SLC14A1: variants seen among roughly 807,000 people sequenced by gnomAD.
The protein encoded by SLC14A1 is solute carrier family 14 member 1 (Kidd blood group).
SLC14A1 carries 36 observed loss-of-function variants against 39.6 expected under a neutral mutation model. The ratio of observed to expected loss-of-function variants is 0.91; its 90% CI spans 0.70 to 1.20. The LOEUF (loss-of-function observed/expected upper bound fraction) is 1.20. Ranked by LOEUF, SLC14A1 falls within the 50% of genes most tolerant of loss-of-function variation. SLC14A1 has a pLI of 0.00. For missense variants in SLC14A1, 469 were observed against 478.7 expected, an observed-to-expected ratio of 0.98 and a Z score of 0.19; for synonymous variants, 164 against 173.6, an observed-to-expected ratio of 0.94 and a Z score of 0.43.
chr18:45,742,003 C>G (rs1035660525), intron 8 of SLC14A1, among the ~76,000 whole-genome samples: 3 of 152,174 alleles, frequency 2.0e-5, no homozygotes, highest in Non-Finnish European at 2.9e-5. Flanking sequence ...AGCTTTAGGT[C>G]CCATGCAGTT....
chr18:45,742,062 G>A (rs1165779350), intron 8 of SLC14A1, among the ~76,000 whole-genome samples: 1 of 152,134 alleles, frequency 6.6e-6, no homozygotes, highest in African/African-American at 2.4e-5. Context: ...AAGGGAGTGA[G>A]CCCAAGAGGA....
In SLC14A1 at chr18:45,739,223, G is replaced by A. The variant is rs770943674; in HGVS notation, c.724G>A (p.Gly242Arg). 6 of 1,614,114 alleles carry A rather than the reference G, an allele frequency of 3.7e-6. No homozygotes were observed. Among genetic ancestry groups the A allele is most frequent in the Non-Finnish European group, 5.1e-6 (6 of 1,180,002 alleles). The change falls in exon 7 of 10, where the codon GGG becomes AGG. Residue 242 changes from glycine to arginine, a missense_variant. Coordinates refer to ENST00000321925, the MANE Select transcript of SLC14A1 (RefSeq NM_015865.7). ...CTATGGCTGTGATAATCCATGGACA[G>A]GGGGCATTTTCCTGGGAGCCATCCT... ...QIYGCDNPWT[G>R]GIFLGAILLS...
At position 45,748,357 on chromosome 18, in the gene SLC14A1, C is replaced by T. The variant is rs1182987980; in HGVS notation, c.947-19C>T. On this transcript the variant is annotated intron_variant, in intron 8 of 9. Coordinates refer to ENST00000321925, the MANE Select transcript of SLC14A1 (RefSeq NM_015865.7). ...GCATCTACGAAGCATTGTTCTTTCC[C>T]TCCTTTTTTTTTCTGTAGCCCTGTT... 3.1e-6 allele frequency: 5 copies of T among 1,613,846 alleles called. No homozygotes were observed. In the East Asian group the frequency reaches 8.9e-5, roughly 29 times the overall value.
chr18:45,742,252 C>T (rs2047396486), intron 8 of SLC14A1, among the ~76,000 whole-genome samples: 2 of 152,000 alleles, frequency 1.3e-5, no homozygotes, highest in Non-Finnish European at 2.9e-5. Flanking sequence ...ATGGGGACAG[C>T]CTGAGCATGT....
chr18:45,750,454 C>G lies in SLC14A1; in HGVS notation c.*503C>G, dbSNP rs1568051980. On this transcript the variant is annotated 3_prime_UTR_variant, in exon 10 of 10. Coordinates refer to ENST00000321925, the MANE Select transcript of SLC14A1 (RefSeq NM_015865.7). ...TACACATTATAGCCAGAATCTGTAT[C>G]ACAGAGGTGCAAGCTGACAGCAGAG... The G allele has an allele frequency of 4.7e-6, 5 of 1,053,952 alleles. No homozygotes were observed. The South Asian group carries it at 1.6e-4, about 34-fold the overall frequency. 65.3% of individuals were successfully genotyped at this position (1,053,952 alleles called of 1,614,324 possible).
intron 2 of SLC14A1, chr18:45,729,350 C>G (rs762233078): frequency 2.1e-4 from 32 of 152,178 alleles, no homozygotes; most frequent in Non-Finnish European, 4.0e-4. Context: ...TTTTTATCTA[C>G]CATCAGCACA....
At position 45,750,260 on chromosome 18, in the gene SLC14A1, T is replaced by C. The variant is rs2047672115; in HGVS notation, c.*309T>C. 2.3e-6 allele frequency: 3 copies of C among 1,284,532 alleles called. No homozygotes were observed. In the Admixed American group the frequency reaches 1.1e-4, roughly 45 times the overall value. The allele number at this position is 1,284,532 out of a possible 1,614,324, so 79.6% of individuals were successfully genotyped here. On this transcript the variant is annotated 3_prime_UTR_variant, in exon 10 of 10. Transcript: ENST00000321925. ...AGAAGGAGGAAGTGAAAACAAACTA[T>C]TAGTATTTATTGATATTCTTGGTGT...
At chr18:45,727,544 A>C (rs1015593112) in intron 2 of SLC14A1, 1 of 1,176,178 alleles carries the variant, frequency 8.5e-7, no homozygotes, top group African/African-American at 1.5e-5. Context: ...AGGCACAGGG[A>C]TCTTGGTCCA....
intron 3 of SLC14A1, 35 bp from the exon 4 acceptor site, chr18:45,730,980 G>T: frequency 6.2e-7 from 1 of 1,604,466 alleles, no homozygotes; most frequent in Admixed American, 1.7e-5. Context: ...TCACTTGGCA[G>T]CTTCCTTAGC....
chr18:45,727,500 C>T (rs1275940738), intron 2 of SLC14A1: 1 of 1,438,032 alleles, frequency 7.0e-7, no homozygotes, highest in Admixed American at 2.3e-5. Flanking sequence ...CGGGCAGAGC[C>T]TGGGAAGTGG....
At chr18:45,724,334 A>G (rs1414981514) in intron 1 of SLC14A1, 61 bp downstream of exon 1, 1 of 152,210 alleles carries the variant, frequency 6.6e-6, no homozygotes, top group Non-Finnish European at 1.5e-5. Context: ...GCTTGTCTTC[A>G]CAGTTCTAAG....
intron 4 of SLC14A1, among the ~76,000 whole-genome samples, chr18:45,733,222 C>A (rs1014023475): frequency 2.6e-5 from 4 of 152,140 alleles, no homozygotes; most frequent in African/African-American, 9.7e-5. Context: ...TGTAACAAAC[C>A]TGCACATGTA....
intron 8 of SLC14A1, 66 bp from the exon 9 acceptor site, chr18:45,748,310 A>C (rs1274067031): frequency 6.5e-7 from 1 of 1,527,956 alleles, no homozygotes; most frequent in African/African-American, 1.4e-5. Flanking sequence ...ATTGGAAGGC[A>C]GCCTTTCCTG....
Position 45,750,881 on chromosome 18 carries a change from T to C in SLC14A1, c.*930T>C, listed in dbSNP as rs1428353749. 2 of 985,318 alleles carry C rather than the reference T, an allele frequency of 2.0e-6. No individual in the cohort carries two copies. The highest frequency in any genetic ancestry group is 2.4e-6 in the Non-Finnish European group (2 of 829,836). 61.0% of individuals were successfully genotyped at this position (985,318 alleles called of 1,614,324 possible). On this transcript the variant is annotated 3_prime_UTR_variant, in exon 10 of 10. Transcript: ENST00000321925. ...CTCCAAAGGGCTCTTTAAAATCATA[T>C]TTTTTATTCATTTGAGGATGTCTTA...
intron 5 of SLC14A1, among the ~76,000 whole-genome samples, chr18:45,735,634 C>G (rs2047171729): frequency 6.6e-6 from 1 of 152,142 alleles, no homozygotes; most frequent in Non-Finnish European, 1.5e-5. Flanking sequence ...GGATGCCCAC[C>G]CTTACTGTAC....
chr18:45,737,281 C>G (rs1417405625), intron 6 of SLC14A1, among the ~76,000 whole-genome samples: 1 of 152,208 alleles, frequency 6.6e-6, no homozygotes, highest in Non-Finnish European at 1.5e-5. Flanking sequence ...ACCACTGTAT[C>G]AAGGGGTGAA....
At chr18:45,727,447 C>T in intron 2 of SLC14A1, 2 of 1,527,062 alleles carry the variant, frequency 1.3e-6, no homozygotes, top group Non-Finnish European at 1.8e-6. Flanking sequence ...GCCTCTGGCT[C>T]GGGGAACCTG....
intron 2 of SLC14A1, among the ~76,000 whole-genome samples, chr18:45,726,323 A>T (rs979666858): frequency 3.9e-5 from 6 of 152,222 alleles, no homozygotes; most frequent in African/African-American, 1.4e-4. Context: ...AAAACAGAAT[A>T]AACAACAGGG....
chr18:45,724,598 G>A (rs975121586), intron 1 of SLC14A1, among the ~76,000 whole-genome samples: 1 of 152,216 alleles, frequency 6.6e-6, no homozygotes, highest in African/African-American at 2.4e-5. Flanking sequence ...ACACTATTAG[G>A]AGTTTCAGGT....
Sources: gnomAD v4.1 joint callset for allele counts (sites outside exome capture counted in the v4.1 genomes callset) on GRCh38, gnomAD v4.1.1 for gene constraint, MANE v1.5 for transcripts, NCBI Gene and HGNC (gene_info 2026-07-23, HGNC 2026-07-21) for gene names.